The following SNX4 variants were observed in gnomAD, a reference collection of about 807,000 sequenced individuals.
SNX4 encodes sorting nexin-4.
SNX4 carries 49 observed loss-of-function variants against 70.8 expected under a neutral mutation model. That is an observed-to-expected ratio of 0.69 (90% confidence interval 0.55 to 0.88). The LOEUF (loss-of-function observed/expected upper bound fraction) is 0.88. SNX4 is among the 40% of genes least tolerant of loss of function. The pLI, the probability that SNX4 is intolerant of heterozygous loss-of-function variation, is 0.00. For synonymous variants in SNX4, 206 were observed against 183.8 expected (o/e 1.12, Z -0.98); for missense variants, 528 against 544.8 (o/e 0.97, Z 0.31).
chr3:125,485,408 G>A (rs544678468), intron 6 of SNX4, among the ~76,000 whole-genome samples: 86 of 151,794 alleles, frequency 5.7e-4, no homozygotes, highest in Non-Finnish European at 1.0e-3. Flanking sequence ...AGTTATTCTC[G>A]TGCCTCAGCC....
At chr3:125,514,237 C>T (rs1038540788) in intron 1 of SNX4, among the ~76,000 whole-genome samples, 4 of 152,024 alleles carry the variant, frequency 2.6e-5, no homozygotes, top group East Asian at 1.9e-4. Context: ...TTCTCTTGTG[C>T]TTTTTTCTAT....
intron 1 of SNX4, among the ~76,000 whole-genome samples, chr3:125,505,402 C>T (rs1283836296): frequency 1.3e-5 from 2 of 152,324 alleles, no homozygotes; most frequent in East Asian, 3.9e-4. Context: ...CTGGCAGACT[C>T]TGTCTGATGT....
chr3:125,498,240 T>C (rs1365874990), intron 2 of SNX4, 46 bp from the exon 3 acceptor site: 1 of 1,503,582 alleles, frequency 6.7e-7, no homozygotes, highest in Non-Finnish European at 9.2e-7. Flanking sequence ...TAAACAAAAA[T>C]ACATACACAT....
At chr3:125,474,104 A>ATTAAATCT in intron 8 of SNX4, among the ~76,000 whole-genome samples, 1 of 152,266 alleles carries the variant, frequency 6.6e-6, no homozygotes. Context: ...ACTGCCCTAA[A>ATTAAATCT]TTAAATCTTG....
At position 125,451,435 on chromosome 3, in the gene SNX4, T is replaced by G. The variant is rs374856251; in HGVS notation, c.1191-16A>C. The G allele has an allele frequency of 2.0e-6, 3 of 1,528,906 alleles. No homozygotes were observed. The highest frequency in any genetic ancestry group is 4.5e-5 in the East Asian group (2 of 44,428). 94.7% of individuals were successfully genotyped at this position (1,528,906 alleles called of 1,614,324 possible). ...CACAAATTCTCTGAAATAAAAGGTATAGCCATTATTATTATTTAAGTTAAA... is the reference window on the plus strand; with the variant it reads ...CACAAATTCTCTGAAATAAAAGGTAGAGCCATTATTATTATTTAAGTTAAA... On this transcript the variant is annotated splice_polypyrimidine_tract_variant and intron_variant, in intron 12 of 13. Transcript: ENST00000251775.
chr3:125,513,799 G>C (rs942409321), intron 1 of SNX4, among the ~76,000 whole-genome samples: 6 of 147,272 alleles, frequency 4.1e-5, no homozygotes, highest in Admixed American at 1.4e-4. Flanking sequence ...TAAAAATGTT[G>C]TGTTTACTAA....
At chr3:125,508,400 T>C (rs760433658) in intron 1 of SNX4, among the ~76,000 whole-genome samples, 5 of 152,026 alleles carry the variant, frequency 3.3e-5, no homozygotes, top group African/African-American at 7.2e-5. Flanking sequence ...ACCCCGTCAC[T>C]ACTAAAAATA....
chr3:125,488,300 A>AC (rs1046354169), intron 6 of SNX4, among the ~76,000 whole-genome samples: 1 of 151,570 alleles, frequency 6.6e-6, no homozygotes, highest in South Asian at 2.1e-4. Context: ...ACACGGCAAA[A>AC]CCCCATCTCT....
At chr3:125,461,808 C>A (rs1933893024) in intron 9 of SNX4, among the ~76,000 whole-genome samples, 1 of 151,946 alleles carries the variant, frequency 6.6e-6, no homozygotes, top group Non-Finnish European at 1.5e-5. Flanking sequence ...ACTACAGGTG[C>A]CTGTCACCAC....
intron 5 of SNX4, among the ~76,000 whole-genome samples, chr3:125,493,333 T>C (rs1934703326): frequency 6.6e-6 from 1 of 152,144 alleles, no homozygotes; most frequent in Non-Finnish European, 1.5e-5. Context: ...TGCTCATGCT[T>C]ATGTTAAATA....
At chr3:125,478,554 C>T (rs752892554) in intron 7 of SNX4, among the ~76,000 whole-genome samples, 7 of 151,716 alleles carry the variant, frequency 4.6e-5, no homozygotes, top group Non-Finnish European at 8.8e-5. Flanking sequence ...AAGGGAGATA[C>T]GGTTTGCAGT....
At chr3:125,518,327 T>C (rs935907834) in intron 1 of SNX4, among the ~76,000 whole-genome samples, 4 of 151,824 alleles carry the variant, frequency 2.6e-5, no homozygotes, top group Non-Finnish European at 4.4e-5. Context: ...CCAGGTGTGG[T>C]GGCATGCATC....
rs372481066 is a variant in SNX4 at position 125,453,832 on chromosome 3, T to C, written c.1168A>G (p.Lys390Glu). The C allele has an allele frequency of 1.4e-5, 22 of 1,613,922 alleles. No individual in the cohort carries two copies. Among genetic ancestry groups the C allele is most frequent in the Non-Finnish European group, 1.6e-5 (19 of 1,179,958 alleles). Residue 390 changes from lysine (K) to glutamate (E), a missense_variant, in exon 12 of 14, where the codon AAG (lysine) becomes GAG (glutamate). Lys to Glu is a moderately conservative substitution (Grantham distance 56). This residue lies in a region of SNX4 where 159 missense variants were observed against 172.6 expected (regional missense o/e 0.92). Coordinates refer to ENST00000251775, the MANE Select transcript of SNX4 (RefSeq NM_003794.4). ...EQINEGEQQL[K>E]SKNLEGREFV... ...TACCTGCCTTCCAGATTTTTAGACTTTAGCTGTTGTTCTCCTTCATTTATT... is the reference window on the plus strand; with the variant it reads ...TACCTGCCTTCCAGATTTTTAGACTCTAGCTGTTGTTCTCCTTCATTTATT...
rs1391690511 is a variant in SNX4 at position 125,504,714 on chromosome 3, T to A, written c.172A>T (p.Ile58Leu). The change falls in exon 2 of 14, where the codon ATA becomes TTA. Residue 58 changes from isoleucine (I) to leucine (L), a missense_variant. By Grantham distance (5) the Ile-to-Leu change is conservative. Around this residue, in one of 3 missense-constraint regions of SNX4, gnomAD observed 341 missense variants for 312.2 expected, o/e 1.09. Coordinates refer to ENST00000251775, the MANE Select transcript of SNX4 (RefSeq NM_003794.4). ...TCTGCTTCTGAAACACTGATTTCTA[T>A]CTTCTTCAACCAAAAATTATTGTGT... ...MTHNNFWLKK[I>L]EISVSEAEKR... 1.9e-6 allele frequency: 3 copies of A among 1,613,924 alleles called. No homozygotes were observed. The South Asian group carries it at 3.3e-5, about 18-fold the overall frequency.
At chr3:125,448,767 C>T (rs1165267537) in intron 13 of SNX4, among the ~76,000 whole-genome samples, 2 of 150,700 alleles carry the variant, frequency 1.3e-5, no homozygotes, top group African/African-American at 4.9e-5. Flanking sequence ...GCTCCACCTC[C>T]CGGGTTCACA....
At chr3:125,457,594 T>G (rs1933757450) in intron 10 of SNX4, among the ~76,000 whole-genome samples, 1 of 146,548 alleles carries the variant, frequency 6.8e-6, no homozygotes, top group Non-Finnish European at 1.5e-5. Flanking sequence ...TTTTTTTTTT[T>G]GAGACAGAGT....
chr3:125,489,664 A>C (rs1189773801), intron 5 of SNX4, among the ~76,000 whole-genome samples: 5 of 152,258 alleles, frequency 3.3e-5, no homozygotes. Flanking sequence ...AAATAGACTG[A>C]ATACATGGCA....
chr3:125,458,790 G>A (rs1246354157), intron 10 of SNX4, among the ~76,000 whole-genome samples: 2 of 119,464 alleles, frequency 1.7e-5, no homozygotes, highest in Non-Finnish European at 3.2e-5. Flanking sequence ...ACTCCAGCCT[G>A]GGTGAAAGAG....
At chr3:125,509,877 G>C (rs1165791283) in intron 1 of SNX4, among the ~76,000 whole-genome samples, 1 of 151,766 alleles carries the variant, frequency 6.6e-6, no homozygotes, top group Admixed American at 6.6e-5. Flanking sequence ...TCATCATTAG[G>C]TAAATGCAAA....
Sources: gnomAD v4.1 joint callset for allele counts (sites outside exome capture counted in the v4.1 genomes callset) on GRCh38, gnomAD v4.1.1 for gene constraint, gnomAD v4.1.1 regional missense constraint, MANE v1.5 for transcripts, NCBI Gene and HGNC (gene_info 2026-07-23, HGNC 2026-07-21) for gene names.